Variants in DNAI4 observed in about 807,000 individuals in gnomAD.
The protein encoded by DNAI4 is WD repeat domain 78.
In DNAI4, 85 loss-of-function variants were observed where a neutral mutation model predicts 105.8. That is an observed-to-expected ratio of 0.80 (90% CI 0.67 to 0.96). The LOEUF is 0.96. Among genes scored for constraint, DNAI4 ranks in the 40% least tolerant of loss-of-function variants. The pLI is 0.00. For synonymous variants in DNAI4, 352 were observed against 331.5 expected, an observed-to-expected ratio of 1.06 and a Z score of -0.67; for missense variants, 1,014 against 1,005.6, an observed-to-expected ratio of 1.01 and a Z score of -0.11.
chr1:66,902,657 T>C (rs1648921041), intron 2 of DNAI4, among the ~76,000 whole-genome samples: 1 of 152,220 alleles, frequency 6.6e-6, no homozygotes, highest in Admixed American at 6.5e-5. Context: ...TATTTTCCTC[T>C]AGGAATTTTA....
At position 66,890,931 on chromosome 1, in the gene DNAI4, T is replaced by G; in HGVS notation, c.643+223A>C. ...GCAGCAGCAGAAGCAGCAGCTGAGC[T>G]CTAACACAAAGCGCCATTGGTTCCT... is the stretch of plus-strand genomic sequence containing the variant. On this transcript the variant is annotated intron_variant, in intron 4 of 16. Coordinates refer to ENST00000371026, the MANE Select transcript of DNAI4 (RefSeq NM_024763.5). This position sits in a 1 kb window ranked among gnomAD's most constrained non-coding sequence, Gnocchi z 4.1. The G allele has an allele frequency of 3.6e-6, 2 of 562,318 alleles. No individual in the cohort carries two copies. The highest frequency in any genetic ancestry group is 6.3e-6 in the Non-Finnish European group (2 of 316,058). 34.8% of individuals were successfully genotyped at this position (562,318 alleles called of 1,614,324 possible).
At chr1:66,837,915 G>A in intron 9 of DNAI4, 119 bp from the exon 10 acceptor site, 1 of 1,020,428 alleles carries the variant, frequency 9.8e-7, no homozygotes, top group Non-Finnish European at 1.4e-6. Context: ...TTTCATCTGA[G>A]AGGAAAAAAT....
chr1:66,824,872 G>T (rs111606041), intron 15 of DNAI4, among the ~76,000 whole-genome samples: 11 of 152,236 alleles, frequency 7.2e-5, no homozygotes, highest in African/African-American at 2.6e-4. Context: ...TTAGTTGAAG[G>T]CCTTAAAAGA....
chr1:66,843,199 CA>C (rs33928281), intron 8 of DNAI4, among the ~76,000 whole-genome samples: 3 of 87,282 alleles, frequency 3.4e-5, no homozygotes, highest in African/African-American at 4.7e-5. Flanking sequence ...GACTCTGTCT[CA>C]AAAAAAAAAA....
Position 66,893,147 on chromosome 1 carries a change from T to C in DNAI4, c.530+82A>G, listed in dbSNP as rs1357343604. On this transcript the variant is annotated intron_variant, in intron 3 of 16. Coordinates refer to ENST00000371026, the MANE Select transcript of DNAI4 (RefSeq NM_024763.5). Reference sequence around the variant, plus strand: ...AAACTGGGAGACTGGAGACAACTGATATCTAAGATACACATTTGCAATTTA... The same window carrying C: ...AAACTGGGAGACTGGAGACAACTGACATCTAAGATACACATTTGCAATTTA... 7 of 671,434 alleles carry C rather than the reference T, an allele frequency of 1.0e-5. No individual in the cohort carries two copies. In the East Asian group the frequency reaches 2.2e-4, roughly 21 times the overall value. 41.6% of individuals were successfully genotyped at this position (671,434 alleles called of 1,614,324 possible). A position where few individuals can be genotyped will look rare whatever the true frequency, so the allele number is the denominator to read the frequency against.
At chr1:66,904,022 T>TATATATATATATATATATGC (rs568374007) in intron 2 of DNAI4, among the ~76,000 whole-genome samples, 63 of 151,476 alleles carry the variant, frequency 4.2e-4, no homozygotes, top group Non-Finnish European at 7.1e-4. Context: ...TTTGTGTGTG[T>TATATATATATATATATATGC]ATATATACAT....
At chr1:66,884,308 T>C (rs1477984152) in intron 4 of DNAI4, among the ~76,000 whole-genome samples, 3 of 152,310 alleles carry the variant, frequency 2.0e-5, no homozygotes, top group East Asian at 3.9e-4. Context: ...GTCAGAGAAA[T>C]TGATTTCAAA....
chr1:66,888,624 C>A (rs756079050), intron 4 of DNAI4, among the ~76,000 whole-genome samples: 1 of 152,126 alleles, frequency 6.6e-6, no homozygotes, highest in Admixed American at 6.5e-5. Context: ...ACCCGGGAGG[C>A]GGAGGTTGCA....
At chr1:66,917,704 C>T (rs1650171199) in intron 1 of DNAI4, among the ~76,000 whole-genome samples, 2 of 152,184 alleles carry the variant, frequency 1.3e-5, no homozygotes. Flanking sequence ...TTTTTCACTA[C>T]CTGATTTCTC....
chr1:66,924,707 A>G lies in DNAI4; in HGVS notation c.125T>C (p.Met42Thr), dbSNP rs907935015. The G allele has an allele frequency of 6.2e-6, 10 of 1,614,220 alleles. No homozygotes were observed. Among genetic ancestry groups the G allele is most frequent in the South Asian group, 1.1e-5 (1 of 91,080 alleles). ...WCTTPQLVAT[M>T]PVSPAGSHKQ... ...GTGACTGCCTGCCGGAGAGACTGGC[A>G]TGGTGGCGACCAGCTGGGGAGTGGT... The change falls in exon 1 of 17, where the codon ATG becomes ACG. Residue 42 changes from methionine (M) to threonine (T), a missense_variant. Met to Thr is a moderately conservative substitution (Grantham distance 81). Coordinates refer to ENST00000371026, the MANE Select transcript of DNAI4 (RefSeq NM_024763.5).
At chr1:66,836,221 A>AAG (rs1646000539) in intron 10 of DNAI4, among the ~76,000 whole-genome samples, 1 of 49,874 alleles carries the variant, frequency 2.0e-5, no homozygotes, top group Non-Finnish European at 6.0e-5. Context: ...AGAGAGAGAG[A>AAG]GAGAGAGAGA....
intron 16 of DNAI4, among the ~76,000 whole-genome samples, chr1:66,815,409 G>A (rs1645495536): frequency 6.6e-6 from 1 of 151,842 alleles, no homozygotes; most frequent in Admixed American, 6.6e-5. Context: ...ATAAATCAAT[G>A]GTTTATTTTT....
chr1:66,898,003 C>T (rs188082027), intron 2 of DNAI4, among the ~76,000 whole-genome samples: 2 of 152,260 alleles, frequency 1.3e-5, no homozygotes, highest in Non-Finnish European at 2.9e-5. Flanking sequence ...CTGACCCCAG[C>T]AAAGTCACAG....
At chr1:66,909,228 C>CTT (rs1649475862) in intron 1 of DNAI4, among the ~76,000 whole-genome samples, 1 of 150,544 alleles carries the variant, frequency 6.6e-6, no homozygotes, top group South Asian at 2.1e-4. Context: ...TTCATGTTTC[C>CTT]TTTAATTACA....
chr1:66,916,785 AG>A (rs1221009160), intron 1 of DNAI4, among the ~76,000 whole-genome samples: 1 of 152,154 alleles, frequency 6.6e-6, no homozygotes, highest in Non-Finnish European at 1.5e-5. Context: ...AAAATTTTAT[AG>A]TTTATAAAAT....
chr1:66,922,580 T>C (rs1203668451), intron 1 of DNAI4, among the ~76,000 whole-genome samples: 1 of 152,196 alleles, frequency 6.6e-6, no homozygotes, highest in East Asian at 1.9e-4. Context: ...CTGGAGGGTG[T>C]TGGCAAGGAG....
In DNAI4 at chr1:66,889,865, T is replaced by C. The variant is rs964518397; in HGVS notation, c.643+1289A>G. Among the ~76,000 whole-genome samples the C allele has an allele frequency of 3.9e-5, 6 of 152,216 alleles. No homozygotes were observed. The East Asian group carries it at 7.7e-4, about 19-fold the overall frequency. On this transcript the variant is annotated intron_variant, in intron 4 of 16. Transcript: ENST00000371026. The stretch of plus-strand genomic sequence containing the variant: ...TCTCCAAACAAGTAACTAATCATCT[T>C]TAAAAACCTGATTCAAAAGTCAATA...
intron 1 of DNAI4, among the ~76,000 whole-genome samples, chr1:66,924,132 C>T (rs1171223174): frequency 1.3e-5 from 2 of 152,180 alleles, no homozygotes; most frequent in African/African-American, 4.8e-5. Flanking sequence ...TGGTTCTAAA[C>T]CAGGTCTTTT....
At chr1:66,880,025 C>A (rs1426820999) in intron 4 of DNAI4, among the ~76,000 whole-genome samples, 1 of 151,372 alleles carries the variant, frequency 6.6e-6, no homozygotes, top group South Asian at 2.1e-4. Flanking sequence ...ATGAGTCTCA[C>A]AAGGTCTGAT....
Sources: gnomAD v4.1 joint callset for allele counts (sites outside exome capture counted in the v4.1 genomes callset) on GRCh38, gnomAD v4.1.1 for gene constraint, Gnocchi (gnomAD v3.1) non-coding constraint, MANE v1.5 for transcripts, NCBI Gene and HGNC (gene_info 2026-07-23, HGNC 2026-07-21) for gene names.